PLXNA4: variants seen among roughly 807,000 people sequenced by gnomAD.
PLXNA4 encodes plexin-A4.
PLXNA4 carries 44 observed loss-of-function variants against 191.8 expected under a neutral mutation model. The observed-to-expected ratio is 0.23, with a 90% CI of 0.18 to 0.29. PLXNA4 has a LOEUF of 0.29. Ranked by LOEUF, PLXNA4 falls within the 10% of genes least tolerant of loss-of-function variation. The probability of loss-of-function intolerance (pLI) is 1.00; values close to 1 mark genes in which losing one functional copy is unlikely to be tolerated. For synonymous variants in PLXNA4, 1,082 were observed against 1,009.5 expected (o/e 1.07, Z -1.36); for missense variants, 1,800 against 2,488.8 (o/e 0.72, Z 5.89).
rs1043129546 is a variant in PLXNA4, at chr7:132,375,241, A to T, written c.1372-77019T>A. Among the ~76,000 whole-genome samples the T allele has an allele frequency of 2.6e-5, 4 of 152,120 alleles. No individual in the cohort carries two copies. The East Asian group carries it at 5.8e-4, about 22-fold the overall frequency. Reference sequence around the variant, plus strand: ...AGGCCCACATGGCCAGTGCTTACACATCTTCCATGTCATCTTGGTCCTTCC... The same window carrying T: ...AGGCCCACATGGCCAGTGCTTACACTTCTTCCATGTCATCTTGGTCCTTCC... On this transcript the variant is annotated intron_variant, in intron 3 of 31. Coordinates refer to ENST00000321063, the MANE Select transcript of PLXNA4 (RefSeq NM_020911.2).
chr7:132,175,071 A>G (rs1796413826), intron 20 of PLXNA4, 151 bp from the exon 21 acceptor site: 1 of 1,304,618 alleles, frequency 7.7e-7, no homozygotes, highest in Non-Finnish European at 1.0e-6. Context: ...CTATGTTTAC[A>G]TAGCTGGGAT....
At chr7:132,434,373 G>A (rs1374747376) in intron 3 of PLXNA4, among the ~76,000 whole-genome samples, 1 of 152,174 alleles carries the variant, frequency 6.6e-6, no homozygotes, top group African/African-American at 2.4e-5. Context: ...GCCTGTCCCA[G>A]CTGCCCAGGG....
At chr7:132,525,606 C>G (rs570496421) in intron 1 of PLXNA4, among the ~76,000 whole-genome samples, 1 of 152,170 alleles carries the variant, frequency 6.6e-6, no homozygotes, top group Non-Finnish European at 1.5e-5. Flanking sequence ...CTCTGGTTTA[C>G]AGTTGCCAGT....
Position 132,300,098 on chromosome 7 carries a change from A to G in PLXNA4, c.1372-1876T>C, listed in dbSNP as rs151177219. On this transcript the variant is annotated intron_variant, in intron 3 of 31. Transcript: ENST00000321063. ...GCAGATATTTTCTTTAGGTTAAAGTAATACAAAGGTTTTTTGCAACATCAA... is the reference window on the plus strand; with the variant it reads ...GCAGATATTTTCTTTAGGTTAAAGTGATACAAAGGTTTTTTGCAACATCAA... 2.4e-3 allele frequency among the ~76,000 whole-genome samples: 361 copies of G among 152,364 alleles called. 2 individuals carry two copies. The highest frequency in any genetic ancestry group is 8.6e-3 in the African/African-American group (356 of 41,588).
At chr7:132,224,914 G>T (rs1175188949) in intron 8 of PLXNA4, among the ~76,000 whole-genome samples, 1 of 152,166 alleles carries the variant, frequency 6.6e-6, no homozygotes, top group Admixed American at 6.5e-5. Context: ...ATGCATGGAG[G>T]GCAAAACAGG....
In PLXNA4 at chr7:132,226,212, A is replaced by G; in HGVS notation, c.1931T>C (p.Met644Thr). 6.2e-7 allele frequency: 1 copy of G among 1,613,978 alleles called. No individual in the cohort carries two copies. Among genetic ancestry groups the G allele is most frequent in the Non-Finnish European group, 8.5e-7 (1 of 1,179,970 alleles). ...QLQLKSKETG[M>T]TFASTSFVFY... ...GACAAAGCTGGTGCTGGCGAAGGTC[A>G]TGCCGGTCTCCTTTGATTTGAGCTG... Residue 644 changes from methionine to threonine, a missense_variant, in exon 8 of 32, where the codon ATG (methionine) becomes ACG (threonine). By Grantham distance (81) the Met-to-Thr change is moderately conservative (BLOSUM62 -1). This residue lies in a region of PLXNA4 where 1,397 missense variants were observed against 1,880.4 expected (regional missense o/e 0.74). Transcript: ENST00000321063.
chr7:132,247,255 CATT>C (rs1392871823), intron 4 of PLXNA4, among the ~76,000 whole-genome samples: 2 of 152,166 alleles, frequency 1.3e-5, no homozygotes, highest in African/African-American at 4.8e-5. Flanking sequence ...AAGCATTTGA[CATT>C]ATGGTCAAAA....
intron 4 of PLXNA4, among the ~76,000 whole-genome samples, chr7:132,273,101 CCTGTAT>C (rs1800137616): frequency 1.3e-5 from 2 of 152,094 alleles, no homozygotes; most frequent in African/African-American, 4.8e-5. Flanking sequence ...AATGCATTTG[CCTGTAT>C]GGAGCAATCA....
At chr7:132,564,354 T>C (rs1315332872) in intron 1 of PLXNA4, among the ~76,000 whole-genome samples, 1 of 146,750 alleles carries the variant, frequency 6.8e-6, no homozygotes, top group Non-Finnish European at 1.5e-5. Context: ...CTCCTTCTCC[T>C]CTTTCTCCTC....
At chr7:132,181,861 G>T (rs1310375774) in intron 17 of PLXNA4, among the ~76,000 whole-genome samples, 1 of 152,192 alleles carries the variant, frequency 6.6e-6, no homozygotes, top group African/African-American at 2.4e-5. Flanking sequence ...AAGAGTAAAG[G>T]TATAAAACCC....
At chr7:132,221,830 T>C (rs148477620) in intron 9 of PLXNA4, among the ~76,000 whole-genome samples, 129 of 152,290 alleles carry the variant, frequency 8.5e-4, no homozygotes, top group Middle Eastern at 3.4e-3. Flanking sequence ...GAGTTGGTTT[T>C]GTGTCTGAGG....
At chr7:132,202,623 C>G (rs750886324) in intron 12 of PLXNA4, 23 bp downstream of exon 12, 51 of 1,446,818 alleles carry the variant, frequency 3.5e-5, no homozygotes, top group Non-Finnish European at 4.6e-5. Flanking sequence ...CCATTTGGAG[C>G]AGGAGGCCCG....
intron 2 of PLXNA4, among the ~76,000 whole-genome samples, chr7:132,617,146 A>G (rs1301245546): frequency 2.6e-5 from 4 of 152,034 alleles, no homozygotes. Context: ...GACTGATCCT[A>G]TTTGTAAAGA....
chr7:132,202,805 C>G lies in PLXNA4; in HGVS notation c.2427G>C (p.Glu809Asp). 6.2e-7 allele frequency: 1 copy of G among 1,604,644 alleles called. No homozygotes were observed. Among genetic ancestry groups the G allele is most frequent in the Non-Finnish European group, 8.5e-7 (1 of 1,175,350 alleles). ...CAGCCTTGAGGCACAGCCCGCAGCT[C>G]TCACGCATGGCTCCACACTTGTAGA... ...VHLYKCGAMRESCGLCLKADP... is the reference protein window; with the variant it reads ...VHLYKCGAMRDSCGLCLKADP... The change falls in exon 12 of 32, where the codon GAG (glutamate) becomes GAC (aspartate). Residue 809 changes from glutamate to aspartate, a missense_variant. Glu to Asp is a conservative substitution (Grantham distance 45). Transcript: ENST00000321063.
chr7:132,620,562 C>A (rs185399578), intron 2 of PLXNA4, among the ~76,000 whole-genome samples: 6 of 152,282 alleles, frequency 3.9e-5, no homozygotes, highest in African/African-American at 1.4e-4. Context: ...CTCTCCCAAG[C>A]TAACAACATT....
intron 3 of PLXNA4, among the ~76,000 whole-genome samples, chr7:132,432,753 C>T (rs2117202933): frequency 6.6e-6 from 1 of 152,280 alleles, no homozygotes; most frequent in Admixed American, 6.5e-5. Context: ...AAAATCTCAT[C>T]TAATTTTTAC....
intron 3 of PLXNA4, among the ~76,000 whole-genome samples, chr7:132,311,343 C>G (rs942173608): frequency 6.6e-6 from 1 of 152,106 alleles, no homozygotes; most frequent in Non-Finnish European, 1.5e-5. Context: ...AGCGGCACTT[C>G]CTGCACACCT....
rs1308411636 is a variant in PLXNA4 at position 132,126,639 on chromosome 7, T to TTCTTCCTG, written c.*3832_*3839dup. ...GACTTTTCCTGTGGGTAACTCCTGCTTCTTCCTGGGAACAGTCCTGGACAG... is the reference window on the plus strand; with the variant it reads ...GACTTTTCCTGTGGGTAACTCCTGCTTCTTCCTGTCTTCCTGGGAACAGTCCTGGACAG... On this transcript the variant is annotated 3_prime_UTR_variant, in exon 32 of 32. Coordinates refer to ENST00000321063, the MANE Select transcript of PLXNA4 (RefSeq NM_020911.2). 5 of 152,256 alleles carry TTCTTCCTG rather than the reference T, an allele frequency of 3.3e-5. No homozygotes were observed. Among genetic ancestry groups the TTCTTCCTG allele is most frequent in the African/African-American group, 1.2e-4 (5 of 41,444 alleles). 9.4% of individuals were successfully genotyped at this position (152,256 alleles called of 1,614,324 possible).
intron 3 of PLXNA4, among the ~76,000 whole-genome samples, chr7:132,356,182 G>C (rs1803698519): frequency 1.3e-5 from 2 of 151,422 alleles, no homozygotes; most frequent in Non-Finnish European, 3.0e-5. Flanking sequence ...GAGAAGCTGG[G>C]GTTCTATTTT....
Sources: gnomAD v4.1 joint callset for allele counts (sites outside exome capture counted in the v4.1 genomes callset) on GRCh38, gnomAD v4.1.1 for gene constraint, gnomAD v4.1.1 regional missense constraint, MANE v1.5 for transcripts, NCBI Gene and HGNC (gene_info 2026-07-23, HGNC 2026-07-21) for gene names.